PHLPP1: variants seen among roughly 807,000 people sequenced by gnomAD.
PHLPP1 encodes the protein PH domain and leucine rich repeat protein phosphatase 1, also known as PH domain leucine-rich repeat-containing protein phosphatase 1.
Under a neutral mutation model 117.2 loss-of-function variants are expected in PHLPP1, and 42 were observed. The observed-to-expected ratio is 0.36, with a 90% CI of 0.28 to 0.46. The LOEUF is 0.46. Ranked by LOEUF, PHLPP1 falls within the 20% of genes least tolerant of loss-of-function variation. The probability of loss-of-function intolerance (pLI) is 1.00; values close to 1 mark genes in which losing one functional copy is unlikely to be tolerated. For synonymous variants in PHLPP1, 1,042 were observed against 970.7 expected, an observed-to-expected ratio of 1.07 and a Z score of -1.37; for missense variants, 2,084 against 2,241.9, an observed-to-expected ratio of 0.93 and a Z score of 1.42.
intron 1 of PHLPP1, among the ~76,000 whole-genome samples, chr18:62,721,347 C>G (rs946124888): frequency 2.0e-5 from 3 of 151,652 alleles, no homozygotes; most frequent in Non-Finnish European, 2.9e-5. Context: ...TCAAGCATAC[C>G]TATTTGTTAA....
chr18:62,845,255 C>T (rs960250512), intron 3 of PHLPP1, among the ~76,000 whole-genome samples: 1 of 152,104 alleles, frequency 6.6e-6, no homozygotes, highest in Non-Finnish European at 1.5e-5. Context: ...CGTTATCTCT[C>T]CTGCTGTGTA....
At chr18:62,887,193 G>A (rs1916306948) in intron 4 of PHLPP1, among the ~76,000 whole-genome samples, 1 of 152,152 alleles carries the variant, frequency 6.6e-6, no homozygotes, top group Admixed American at 6.5e-5. Context: ...TAATAAAAGA[G>A]GAGGAGGAGA....
intron 6 of PHLPP1, 109 bp downstream of exon 6, chr18:62,896,120 C>T (rs1245405345): frequency 9.2e-6 from 6 of 651,282 alleles, no homozygotes; most frequent in Admixed American, 2.8e-5. Context: ...AATGTGGGCC[C>T]GTTTTTCTAT....
intron 1 of PHLPP1, among the ~76,000 whole-genome samples, chr18:62,771,211 C>CAAAA (rs766950169): frequency 1.2e-4 from 7 of 58,704 alleles, no homozygotes; most frequent in East Asian, 5.0e-4. Context: ...GAGACTGTCT[C>CAAAA]AAAAAAAAAA....
Position 62,906,445 on chromosome 18 carries a change from G to A in PHLPP1, c.2708+1161G>A, listed in dbSNP as rs138542680. Reference sequence around the variant, plus strand: ...AGACAGTGGGCGCAGGCCAGTGTGTGTGTGCACCATGCGCGAGCCGAAGCA... The same window carrying A: ...AGACAGTGGGCGCAGGCCAGTGTGTATGTGCACCATGCGCGAGCCGAAGCA... On this transcript the variant is annotated intron_variant, in intron 8 of 16. Coordinates refer to ENST00000262719, the MANE Select transcript of PHLPP1 (RefSeq NM_194449.4). 5.1e-3 allele frequency: 772 copies of A among 150,448 alleles called. 5 individuals are homozygous for A. The highest frequency in any genetic ancestry group is 0.01 in the South Asian group (47 of 4,696). The allele number at this position is 150,448 out of a possible 1,614,324, so 9.3% of individuals were successfully genotyped here.
At chr18:62,779,419 T>A (rs1913058197) in intron 1 of PHLPP1, 1 of 152,220 alleles carries the variant, frequency 6.6e-6, no homozygotes, top group Non-Finnish European at 1.5e-5. Context: ...AGGAGAGTGG[T>A]TGCCTTGCTG....
intron 1 of PHLPP1, among the ~76,000 whole-genome samples, chr18:62,813,941 A>G (rs537538820): frequency 1.8e-4 from 28 of 152,062 alleles, no homozygotes; most frequent in Non-Finnish European, 2.6e-4. Context: ...TTTATGTGAG[A>G]ATTTTCTTTG....
intron 1 of PHLPP1, among the ~76,000 whole-genome samples, chr18:62,747,678 G>A (rs754258186): frequency 6.6e-6 from 1 of 151,862 alleles, no homozygotes; most frequent in Non-Finnish European, 1.5e-5. Context: ...CACTACACCT[G>A]GCTAATTTTT....
rs185941377 is a variant in PHLPP1, at chr18:62,862,952, G to A, written c.2066+2351G>A. On this transcript the variant is annotated intron_variant, in intron 4 of 16. Transcript: ENST00000262719. Reference sequence around the variant, plus strand: ...TTTGGTGCTGCAGTGAATTAATTACGTAGGCAATCGAGACTCTAATAAGGA... The same window carrying A: ...TTTGGTGCTGCAGTGAATTAATTACATAGGCAATCGAGACTCTAATAAGGA... 1.2e-4 allele frequency among the ~76,000 whole-genome samples: 19 copies of A among 152,130 alleles called. No homozygotes were observed. In the East Asian group the frequency reaches 1.5e-3, roughly 12 times the overall value.
chr18:62,849,810 A>AT (rs1441580481), intron 3 of PHLPP1, among the ~76,000 whole-genome samples: 2 of 42,400 alleles, frequency 4.7e-5, no homozygotes, highest in African/African-American at 1.9e-4. Context: ...AAAAAAAAAA[A>AT]AAAAAAAAAA....
At chr18:62,816,129 C>T (rs1439908135) in intron 1 of PHLPP1, among the ~76,000 whole-genome samples, 1 of 152,108 alleles carries the variant, frequency 6.6e-6, no homozygotes, top group Non-Finnish European at 1.5e-5. Flanking sequence ...TCTTTACATA[C>T]ATTTTTGTGA....
At chr18:62,730,445 G>A (rs907262322) in intron 1 of PHLPP1, among the ~76,000 whole-genome samples, 1 of 152,054 alleles carries the variant, frequency 6.6e-6, no homozygotes, top group Non-Finnish European at 1.5e-5. Flanking sequence ...TTCTTTACAT[G>A]ATGTGAGACC....
intron 1 of PHLPP1, among the ~76,000 whole-genome samples, chr18:62,803,982 G>T (rs1308092554): frequency 7.9e-5 from 12 of 152,098 alleles, no homozygotes; most frequent in African/African-American, 1.9e-4. Context: ...GTGGGTGTGT[G>T]TATTAGTCCG....
At chr18:62,810,003 G>A (rs184102782) in intron 1 of PHLPP1, among the ~76,000 whole-genome samples, 108 of 152,264 alleles carry the variant, frequency 7.1e-4, no homozygotes, top group African/African-American at 2.6e-3. Context: ...TAGTCTGCAG[G>A]GTCCATCTTC....
At chr18:62,879,036 T>C (rs1916110811) in intron 4 of PHLPP1, among the ~76,000 whole-genome samples, 1 of 152,220 alleles carries the variant, frequency 6.6e-6, no homozygotes, top group South Asian at 2.1e-4. Context: ...CAAATCAGTG[T>C]TTCACAAAAT....
At chr18:62,960,259 A>T (rs1161430124) in intron 13 of PHLPP1, among the ~76,000 whole-genome samples, 1 of 152,222 alleles carries the variant, frequency 6.6e-6, no homozygotes, top group African/African-American at 2.4e-5. Flanking sequence ...AAATTAAATG[A>T]TTTTTAAAAG....
intron 3 of PHLPP1, 25 bp downstream of exon 3, chr18:62,838,934 T>C: frequency 1.9e-6 from 3 of 1,612,882 alleles, no homozygotes; most frequent in Non-Finnish European, 2.5e-6. Flanking sequence ...AATCCAGGAA[T>C]CCACTCAGCT....
chr18:62,914,013 G>C (rs142042928), intron 8 of PHLPP1, among the ~76,000 whole-genome samples: 4 of 152,016 alleles, frequency 2.6e-5, no homozygotes, highest in African/African-American at 9.7e-5. Flanking sequence ...CCAAAGTGCC[G>C]GGATTACAAG....
intron 1 of PHLPP1, among the ~76,000 whole-genome samples, chr18:62,741,398 T>G (rs1443234922): frequency 1.3e-5 from 2 of 152,128 alleles, no homozygotes; most frequent in Non-Finnish European, 2.9e-5. Context: ...AATTCAGATG[T>G]GGAGTGCTTG....
Sources: allele counts gnomAD v4.1 joint callset (sites outside exome capture counted in the v4.1 genomes callset), GRCh38; gene constraint gnomAD v4.1.1; transcripts MANE v1.5; gene names NCBI Gene and HGNC (gene_info 2026-07-23, HGNC 2026-07-21).